The following MNAT1 variants were observed in gnomAD, a reference collection of about 807,000 sequenced individuals.
MNAT1 encodes CDK-activating kinase assembly factor MAT1.
MNAT1 carries 43 observed loss-of-function variants against 42.0 expected under a neutral mutation model. The observed-to-expected ratio is 1.02, with a 90% confidence interval of 0.80 to 1.32. The LOEUF (loss-of-function observed/expected upper bound fraction) is 1.32. Ranked by LOEUF, MNAT1 falls within the 40% of genes most tolerant of loss-of-function variation. MNAT1 has a pLI of 0.00. For missense variants in MNAT1, 306 were observed against 350.4 expected, an observed-to-expected ratio of 0.87 and a Z score of 1.01; for synonymous variants, 118 against 120.0, an observed-to-expected ratio of 0.98 and a Z score of 0.11.
intron 7 of MNAT1, among the ~76,000 whole-genome samples, chr14:60,934,135 G>A (rs888085195): frequency 1.3e-5 from 2 of 152,138 alleles, no homozygotes; most frequent in Non-Finnish European, 2.9e-5. Flanking sequence ...CAATTCATTC[G>A]TAGAGATGCT....
At chr14:60,936,795 T>C (rs1182442775) in intron 7 of MNAT1, among the ~76,000 whole-genome samples, 1 of 152,184 alleles carries the variant, frequency 6.6e-6, no homozygotes, top group Non-Finnish European at 1.5e-5. Context: ...CCTGAGGAGT[T>C]GCCACACCGA....
chr14:60,894,733 G>A (rs1174909468), intron 7 of MNAT1, among the ~76,000 whole-genome samples: 1 of 152,152 alleles, frequency 6.6e-6, no homozygotes, highest in Middle Eastern at 3.4e-3. Context: ...CCTTCATCAA[G>A]CATTGAATAT....
At chr14:60,955,690 T>A (rs1036746258) in intron 7 of MNAT1, among the ~76,000 whole-genome samples, 2 of 152,058 alleles carry the variant, frequency 1.3e-5, no homozygotes, top group African/African-American at 2.4e-5. Context: ...AAAGATTCAA[T>A]CTCCTTACTT....
intron 7 of MNAT1, among the ~76,000 whole-genome samples, chr14:60,967,587 T>G (rs2139630956): frequency 6.6e-6 from 1 of 152,318 alleles, no homozygotes; most frequent in African/African-American, 2.4e-5. Context: ...AGAAAAAAAT[T>G]GTACTGTTAT....
At chr14:60,799,966 C>T (rs1019709606) in intron 3 of MNAT1, among the ~76,000 whole-genome samples, 18 of 152,120 alleles carry the variant, frequency 1.2e-4, no homozygotes, top group South Asian at 4.1e-4. Flanking sequence ...GTTGCAGTAT[C>T]GGGAAACTCT....
At chr14:60,893,811 C>T (rs1285883151) in intron 7 of MNAT1, among the ~76,000 whole-genome samples, 2 of 151,984 alleles carry the variant, frequency 1.3e-5, no homozygotes, top group African/African-American at 4.8e-5. Flanking sequence ...GTGTTGCTCC[C>T]CTATAGTAGA....
Position 60,969,576 on chromosome 14 carries a change from C to G in MNAT1, c.*1227C>G, listed in dbSNP as rs2036744773. ...TCATATTCACAAGTTAGTAAAAAGC[C>G]AGAATTAGAATGCAGGTTTTTTTTT... On this transcript the variant is annotated 3_prime_UTR_variant, in exon 8 of 8. Transcript: ENST00000261245. 6.6e-6 allele frequency: 1 copy of G among 151,912 alleles called. No homozygotes were observed. Among genetic ancestry groups the G allele is most frequent in the Non-Finnish European group, 1.5e-5 (1 of 67,942 alleles). 9.4% of individuals were successfully genotyped at this position (151,912 alleles called of 1,614,324 possible).
intron 7 of MNAT1, among the ~76,000 whole-genome samples, chr14:60,904,257 G>T (rs1399652639): frequency 6.6e-6 from 1 of 152,162 alleles, no homozygotes; most frequent in South Asian, 2.1e-4. Flanking sequence ...CAAAAAAACT[G>T]CAATATGCAT....
chr14:60,837,208 G>T (rs919050194), intron 6 of MNAT1, among the ~76,000 whole-genome samples: 1 of 152,184 alleles, frequency 6.6e-6, no homozygotes, highest in Non-Finnish European at 1.5e-5. Context: ...CCTGGCTTCA[G>T]CCCCCTTTCC....
chr14:60,773,558 C>T (rs995825731), intron 1 of MNAT1, among the ~76,000 whole-genome samples: 4 of 151,966 alleles, frequency 2.6e-5, no homozygotes, highest in Admixed American at 1.3e-4. Flanking sequence ...CAAAAACCAC[C>T]CTAGATATTT....
At chr14:60,790,330 C>T (rs1447259264) in intron 1 of MNAT1, among the ~76,000 whole-genome samples, 1 of 152,104 alleles carries the variant, frequency 6.6e-6, no homozygotes, top group African/African-American at 2.4e-5. Context: ...AAAGTCATTC[C>T]TCTGAGGCTC....
chr14:60,841,294 G>T (rs1166611676), intron 6 of MNAT1, among the ~76,000 whole-genome samples: 1 of 151,646 alleles, frequency 6.6e-6, no homozygotes, highest in African/African-American at 2.4e-5. Context: ...ACTTTAGGTG[G>T]CTGCTATTAT....
At chr14:60,937,904 A>G (rs539261575) in intron 7 of MNAT1, among the ~76,000 whole-genome samples, 2 of 151,882 alleles carry the variant, frequency 1.3e-5, no homozygotes, top group African/African-American at 4.8e-5. Context: ...CTTTTATTTC[A>G]TTGAGCAGTG....
chr14:60,944,821 T>G (rs149837036), intron 7 of MNAT1, among the ~76,000 whole-genome samples: 3 of 152,340 alleles, frequency 2.0e-5, no homozygotes, highest in African/African-American at 7.2e-5. Context: ...TATCTCTGGT[T>G]TTAATTTTTA....
At position 60,888,413 on chromosome 14, in the gene MNAT1, ACT is replaced by A. The variant is rs1045428836; in HGVS notation, c.809+8582_809+8583del. 1.2e-3 allele frequency among the ~76,000 whole-genome samples: 180 copies of A among 152,134 alleles called. 2 individuals are homozygous for A. The highest frequency in any genetic ancestry group is 0.01 in the Middle Eastern group (3 of 294). On this transcript the variant is annotated intron_variant, in intron 7 of 7. Transcript: ENST00000261245. Reference sequence around the variant, plus strand: ...AATTCAACAACGCTTCATGCTAGAAACTCTCAATAAATTAGGTATTGATGGGA... The same window carrying A: ...AATTCAACAACGCTTCATGCTAGAAACTCAATAAATTAGGTATTGATGGGA...
At chr14:60,821,847 AT>A (rs1349023861) in intron 6 of MNAT1, among the ~76,000 whole-genome samples, 2 of 152,156 alleles carry the variant, frequency 1.3e-5, no homozygotes, top group African/African-American at 4.8e-5. Flanking sequence ...TATTCAAAAA[AT>A]TTTTTTGAAT....
chr14:60,895,427 A>G (rs576593971), intron 7 of MNAT1, among the ~76,000 whole-genome samples: 2 of 152,350 alleles, frequency 1.3e-5, no homozygotes, highest in African/African-American at 4.8e-5. Flanking sequence ...ATATTTTCAC[A>G]TTCATCCTAA....
intron 7 of MNAT1, among the ~76,000 whole-genome samples, chr14:60,911,808 G>T (rs898793068): frequency 3.3e-5 from 5 of 152,068 alleles, no homozygotes; most frequent in Non-Finnish European, 4.4e-5. Flanking sequence ...GTGATTTGGG[G>T]TGGAGAGTTC....
chr14:60,926,016 G>T (rs999753464), intron 7 of MNAT1, among the ~76,000 whole-genome samples: 2 of 152,102 alleles, frequency 1.3e-5, no homozygotes, highest in African/African-American at 2.4e-5. Context: ...TCTTTTGATG[G>T]AAATTCAGTC....
Sources: allele counts gnomAD v4.1 joint callset (sites outside exome capture counted in the v4.1 genomes callset), GRCh38; gene constraint gnomAD v4.1.1; transcripts MANE v1.5; gene names NCBI Gene and HGNC (gene_info 2026-07-23, HGNC 2026-07-21).